The following MGST1 variants were observed in gnomAD, a reference collection of about 807,000 sequenced individuals.
MGST1 encodes the protein microsomal glutathione S-transferase 1, also known as glutathione S-transferase 12.
MGST1 carries 5 observed loss-of-function variants against 8.9 expected under a neutral mutation model. That is an observed-to-expected ratio of 0.56 (90% CI 0.29 to 1.19). MGST1 has a LOEUF of 1.19. Ranked by LOEUF, MGST1 falls within the 50% of genes most tolerant of loss-of-function variation. The pLI is 0.08. For synonymous variants in MGST1, 54 were observed against 67.8 expected (o/e 0.80, Z 1.00); for missense variants, 182 against 187.4 (o/e 0.97, Z 0.17).
At chr12:16,383,180 C>G (rs537563762) in exon 1 of MGST1, 1 of 153,058 alleles carries the variant, frequency 6.5e-6, no homozygotes, top group Non-Finnish European at 1.5e-5. Context: ...CACTCCCCAG[C>G]GAGATGAACC....
Position 16,399,011 on chromosome 12 carries a change from A to C in MGST1, n.778+15407A>C, listed in dbSNP as rs117922988. ...AAGGTGACAGGAAGAAAGAAGAATG[A>C]AACAATATTTATTAACAGCAAGAGC... On this transcript the variant is annotated intron_variant and non_coding_transcript_variant, in intron 1 of 1. Coordinates refer to the MGST1 transcript ENST00000359720. Among the ~76,000 whole-genome samples the C allele has an allele frequency of 9.4e-4, 143 of 152,244 alleles. 1 individual carries two copies. In the East Asian group the frequency reaches 0.026, roughly 28 times the overall value.
chr12:16,432,909 T>C (rs1232817211), intron 1 of MGST1, among the ~76,000 whole-genome samples: 1 of 152,032 alleles, frequency 6.6e-6, no homozygotes, highest in Admixed American at 6.6e-5. Context: ...ATGGTGTCTG[T>C]CAATGGTGAC....
chr12:16,479,688 C>G (rs897072009), intron 4 of MGST1, among the ~76,000 whole-genome samples: 2 of 151,920 alleles, frequency 1.3e-5, no homozygotes, highest in Admixed American at 6.6e-5. Context: ...TGCATGCCAT[C>G]GTACATGATT....
chr12:16,423,291 G>A (rs1246546657), intron 1 of MGST1, among the ~76,000 whole-genome samples: 1 of 152,158 alleles, frequency 6.6e-6, no homozygotes, highest in Non-Finnish European at 1.5e-5. Context: ...GACCTGGCAT[G>A]TAACAATCCT....
chr12:16,427,194 A>G (rs971592328), intron 1 of MGST1, among the ~76,000 whole-genome samples: 5 of 152,126 alleles, frequency 3.3e-5, no homozygotes, highest in Non-Finnish European at 5.9e-5. Context: ...GAAGACTAAC[A>G]TATTTTGGGG....
chr12:16,514,394 A>G, intron 4 of MGST1: 1 of 279,816 alleles, frequency 3.6e-6, no homozygotes, highest in Non-Finnish European at 7.2e-6. Context: ...TGTGAAAACA[A>G]TGGTTGCAAG....
chr12:16,347,208 A>T (rs1194492149), upstream of MGST1: 1 of 152,280 alleles, frequency 6.6e-6, no homozygotes, highest in Non-Finnish European at 1.5e-5. The surrounding 1 kb of genome is among the most constrained non-coding windows in gnomAD (Gnocchi z 4.0). Flanking sequence ...ACTGAGGGTT[A>T]CATTCTGTCA....
At chr12:16,355,987 A>G (rs1939698456) in intron 2 of MGST1, among the ~76,000 whole-genome samples, 1 of 152,170 alleles carries the variant, frequency 6.6e-6, no homozygotes, top group South Asian at 2.1e-4. Flanking sequence ...GCAGATGGCC[A>G]TCTTCTCATT....
Position 16,401,060 on chromosome 12 carries a change from A to G in MGST1, n.778+17456A>G, listed in dbSNP as rs1187607015. ...CTTTCTGTAAGTAATGCTGCCCGAG[A>G]ACCTCTTCCCAAAAGGTCCTCTGCC... On this transcript the variant is annotated intron_variant and non_coding_transcript_variant, in intron 1 of 1. Transcript: ENST00000359720. The surrounding 1 kb of genome is among the most constrained non-coding windows in gnomAD (Gnocchi z 4.3). 6 of 1,593,188 alleles carry G rather than the reference A, an allele frequency of 3.8e-6. No homozygotes were observed. Among genetic ancestry groups the G allele is most frequent in the Non-Finnish European group, 5.2e-6 (6 of 1,161,674 alleles).
In MGST1 at chr12:16,401,089, T is replaced by C. The variant is rs1268942622; in HGVS notation, n.778+17485T>C. ...TCTTCCCAAAAGGTCCTCTGCCTCA[T>C]CTTTCTCCTCCTCCTCCTTTTCCTC... On this transcript the variant is annotated intron_variant and non_coding_transcript_variant, in intron 1 of 1. Transcript: ENST00000359720. The surrounding 1 kb of genome is among the most constrained non-coding windows in gnomAD (Gnocchi z 4.3). 8.2e-6 allele frequency: 13 copies of C among 1,592,230 alleles called. No homozygotes were observed. The highest frequency in any genetic ancestry group is 1.1e-5 in the Non-Finnish European group (13 of 1,160,806).
intron 4 of MGST1, among the ~76,000 whole-genome samples, chr12:16,479,396 G>A (rs1014619713): frequency 3.3e-5 from 5 of 151,390 alleles, no homozygotes; most frequent in African/African-American, 7.3e-5. Context: ...CACCACGCCC[G>A]GCTAATTTTT....
intron 4 of MGST1, chr12:16,573,670 C>T (rs970836679): frequency 1.3e-5 from 2 of 152,200 alleles, no homozygotes; most frequent in African/African-American, 4.8e-5. Context: ...GGCTCCCTTC[C>T]TGCTCTGCTC....
At chr12:16,491,743 T>C (rs759850348) in intron 4 of MGST1, among the ~76,000 whole-genome samples, 6 of 152,218 alleles carry the variant, frequency 3.9e-5, no homozygotes, top group Non-Finnish European at 8.8e-5. Context: ...CTATATTCTT[T>C]CTAATGAATG....
rs1941853834 is a variant in MGST1 at position 16,548,067 on chromosome 12, A to ATT, written n.483-41461_483-41460insTT. 6.6e-6 allele frequency among the ~76,000 whole-genome samples: 1 copy of ATT among 152,212 alleles called. No homozygotes were observed. Among genetic ancestry groups the ATT allele is most frequent in the Non-Finnish European group, 1.5e-5 (1 of 68,034 alleles). On this transcript the variant is annotated intron_variant and non_coding_transcript_variant, in intron 4 of 4. Coordinates refer to the MGST1 transcript ENST00000538857. The surrounding 1 kb of genome is among the most constrained non-coding windows in gnomAD (Gnocchi z 4.2). ...AGAAAATTTGAAATTTAATCTGACAACAGCAACAGAGTTGCTTTCAGAAAG... is the reference window on the plus strand; with the variant it reads ...AGAAAATTTGAAATTTAATCTGACAATTCAGCAACAGAGTTGCTTTCAGAAAG...
chr12:16,400,296 G>C, intron 1 of MGST1: 12 of 791,720 alleles, frequency 1.5e-5, no homozygotes, highest in South Asian at 7.0e-5. Flanking sequence ...CTCCATCACA[G>C]AGCTGGAATG....
At chr12:16,439,757 G>A (rs1257574082), downstream of MGST1, among the ~76,000 whole-genome samples, 2 of 151,746 alleles carry the variant, frequency 1.3e-5, no homozygotes, top group Non-Finnish European at 2.9e-5. Flanking sequence ...TTAGCCCTTT[G>A]TAATCTGGCC....
Position 16,361,643 on chromosome 12 carries a change from A to C in MGST1, c.222-2152A>C, listed in dbSNP as rs1018085424. ...CGGAAGGGTGATAGTGCACTGCAGC[A>C]GGTGCTCACAGGGAAAGCTGGGGAA... On this transcript the variant is annotated intron_variant, in intron 3 of 3. Coordinates refer to ENST00000396210, the MANE Select transcript of MGST1 (RefSeq NM_020300.5). The surrounding 1 kb of genome is among the most constrained non-coding windows in gnomAD (Gnocchi z 4.2). 2.6e-5 allele frequency among the ~76,000 whole-genome samples: 4 copies of C among 152,168 alleles called. No individual in the cohort carries two copies. Among genetic ancestry groups the C allele is most frequent in the African/African-American group, 7.2e-5 (3 of 41,450 alleles).
intron 4 of MGST1, among the ~76,000 whole-genome samples, chr12:16,495,776 C>G (rs911492318): frequency 6.6e-6 from 1 of 151,662 alleles, no homozygotes; most frequent in Non-Finnish European, 1.5e-5. Context: ...ATTCTGCTAT[C>G]AACAGCTTTT....
chr12:16,354,281 A>G lies in MGST1; in HGVS notation c.29A>G (p.Asp10Gly). The change falls in exon 2 of 4, where the codon GAT (aspartate) becomes GGT (glycine). Residue 10 changes from aspartate (D) to glycine (G), a missense_variant. Asp to Gly is a moderately conservative substitution (Grantham distance 94). Transcript: ENST00000396210. ...GTTGACCTCACCCAGGTAATGGATGATGAAGTATTCATGGCTTTTGCATCC... is the reference window on the plus strand; with the variant it reads ...GTTGACCTCACCCAGGTAATGGATGGTGAAGTATTCATGGCTTTTGCATCC... MVDLTQVMD[D>G]EVFMAFASYA... 13 of 1,606,866 alleles carry G rather than the reference A, an allele frequency of 8.1e-6. No homozygotes were observed. Among genetic ancestry groups the G allele is most frequent in the Non-Finnish European group, 1.1e-5 (13 of 1,177,958 alleles).
Sources: gnomAD v4.1 joint callset for allele counts (sites outside exome capture counted in the v4.1 genomes callset) on GRCh38, gnomAD v4.1.1 for gene constraint, Gnocchi (gnomAD v3.1) non-coding constraint, MANE v1.5 for transcripts, NCBI Gene and HGNC (gene_info 2026-07-23, HGNC 2026-07-21) for gene names.